The following RUNDC3B variants were observed in gnomAD, a reference collection of about 807,000 sequenced individuals.
RUNDC3B encodes RUN domain-containing protein 3B.
A neutral mutation model predicts 58.4 loss-of-function variants in RUNDC3B; 33 were observed. The observed-to-expected ratio is 0.56, with a 90% CI of 0.43 to 0.75. The LOEUF is 0.75. Ranked by LOEUF, RUNDC3B falls within the 30% of genes least tolerant of loss-of-function variation. The probability of loss-of-function intolerance (pLI) is 0.00; values close to 1 mark genes in which losing one functional copy is unlikely to be tolerated. For missense variants in RUNDC3B, 501 were observed against 535.7 expected (o/e 0.94, Z 0.64); for synonymous variants, 193 against 195.2 (o/e 0.99, Z 0.10).
At chr7:87,752,101 T>C (rs1455754345) in intron 6 of RUNDC3B, among the ~76,000 whole-genome samples, 1 of 152,242 alleles carries the variant, frequency 6.6e-6, no homozygotes, top group East Asian at 1.9e-4. Flanking sequence ...TTGAATTTTG[T>C]CAAAGGCCTT....
chr7:87,735,594 G>T (rs1831877964), intron 4 of RUNDC3B, among the ~76,000 whole-genome samples: 1 of 152,184 alleles, frequency 6.6e-6, no homozygotes, highest in Non-Finnish European at 1.5e-5. Flanking sequence ...TAGCGGCAAA[G>T]TTAAGAAGAT....
intron 2 of RUNDC3B, among the ~76,000 whole-genome samples, chr7:87,677,609 G>C (rs1387585725): frequency 6.6e-6 from 1 of 152,064 alleles, no homozygotes; most frequent in African/African-American, 2.4e-5. Flanking sequence ...TTGTGTACTT[G>C]AAAATTGCTA....
At chr7:87,761,911 A>G (rs1457998724) in intron 6 of RUNDC3B, among the ~76,000 whole-genome samples, 2 of 151,770 alleles carry the variant, frequency 1.3e-5, no homozygotes, top group Non-Finnish European at 3.0e-5. Flanking sequence ...CTATACATAA[A>G]CAGTTTATGA....
At chr7:87,693,606 C>T (rs942393954) in intron 2 of RUNDC3B, among the ~76,000 whole-genome samples, 2 of 152,140 alleles carry the variant, frequency 1.3e-5, no homozygotes, top group South Asian at 2.1e-4. Flanking sequence ...CAGTTTATTA[C>T]ATCTGAGAAA....
intron 8 of RUNDC3B, among the ~76,000 whole-genome samples, chr7:87,791,877 A>G (rs1219212712): frequency 6.6e-6 from 1 of 152,098 alleles, no homozygotes; most frequent in East Asian, 1.9e-4. Flanking sequence ...AGATAACAAC[A>G]TTGAATGTAA....
intron 2 of RUNDC3B, among the ~76,000 whole-genome samples, chr7:87,690,498 G>A (rs1266091883): frequency 6.6e-6 from 1 of 151,966 alleles, no homozygotes; most frequent in Non-Finnish European, 1.5e-5. Flanking sequence ...ACCTGTAAAT[G>A]GCATTTTAAA....
rs570639079 is a variant in RUNDC3B at position 87,776,662 on chromosome 7, T to G, written c.799-1136T>G. On this transcript the variant is annotated intron_variant, in intron 7 of 10. Transcript: ENST00000394654. ...AATTACTAATGTTTATGAATATATA[T>G]TGTTTATATTAAGCTGTATATATAT... 8.5e-5 allele frequency among the ~76,000 whole-genome samples: 13 copies of G among 152,156 alleles called. 1 individual carries two copies. Among genetic ancestry groups the G allele is most frequent in the African/African-American group, 3.1e-4 (13 of 41,566 alleles).
At chr7:87,815,090 C>G (rs10231094) in intron 9 of RUNDC3B, among the ~76,000 whole-genome samples, 7,424 of 151,884 alleles carry the variant, frequency 0.049, 271 homozygotes, top group East Asian at 0.092. Context: ...TCTTTCCCCC[C>G]CTTCCTCCCC....
intron 4 of RUNDC3B, among the ~76,000 whole-genome samples, chr7:87,715,359 T>TTAATTTATAATAATTATATA (rs1323439852): frequency 1.7e-5 from 2 of 118,004 alleles, no homozygotes; most frequent in African/African-American, 7.2e-5. Context: ...TTATATATAA[T>TTAATTTATAATAATTATATA]TAATTTATAA....
Position 87,628,922 on chromosome 7 carries a change from G to A in RUNDC3B, c.99G>A (p.Arg33=), listed in dbSNP as rs1288575064. 3.8e-6 allele frequency: 5 copies of A among 1,309,820 alleles called. No individual in the cohort carries two copies. The highest frequency in any genetic ancestry group is 3.0e-5 in the African/African-American group (2 of 66,378). 81.1% of individuals were successfully genotyped at this position (1,309,820 alleles called of 1,614,324 possible). The change falls in exon 1 of 11, where the codon AGG becomes AGA. Residue 33 remains arginine, a synonymous_variant. Coordinates refer to ENST00000394654, the MANE Select transcript of RUNDC3B (RefSeq NM_001134405.2). The part of the protein sequence containing the change: ...SLSARNAAVE[R]RNLITVCRFS... Reference sequence around the variant, plus strand: ...GCGCCCGCAATGCTGCGGTGGAGAGGAGGAACCTGATCACCGTGTGCAGGT... The same window carrying A: ...GCGCCCGCAATGCTGCGGTGGAGAGAAGGAACCTGATCACCGTGTGCAGGT...
At chr7:87,737,111 C>T (rs1274345527) in intron 4 of RUNDC3B, among the ~76,000 whole-genome samples, 1 of 151,174 alleles carries the variant, frequency 6.6e-6, no homozygotes, top group Admixed American at 6.6e-5. Context: ...GTTGCCCAGG[C>T]TGATCTCTAA....
intron 9 of RUNDC3B, among the ~76,000 whole-genome samples, chr7:87,814,837 C>T (rs1433100687): frequency 6.6e-6 from 1 of 152,066 alleles, no homozygotes; most frequent in Admixed American, 6.6e-5. Context: ...GTATTATAAG[C>T]TGGTAAAGTG....
chr7:87,652,275 G>A (rs1013669386), intron 2 of RUNDC3B, among the ~76,000 whole-genome samples: 2 of 151,922 alleles, frequency 1.3e-5, no homozygotes, highest in African/African-American at 2.4e-5. Context: ...ACTATCAATA[G>A]CAAATGAACA....
At chr7:87,727,639 T>A (rs1220703680) in intron 4 of RUNDC3B, among the ~76,000 whole-genome samples, 1 of 152,208 alleles carries the variant, frequency 6.6e-6, no homozygotes, top group African/African-American at 2.4e-5. Context: ...AAAAAAAATC[T>A]GCAATACTAT....
At chr7:87,652,782 A>G (rs1823715895) in intron 2 of RUNDC3B, among the ~76,000 whole-genome samples, 1 of 151,772 alleles carries the variant, frequency 6.6e-6, no homozygotes, top group African/African-American at 2.4e-5. Context: ...TGGAGAAGTC[A>G]TGATTATTTT....
chr7:87,731,596 C>G lies in RUNDC3B; in HGVS notation c.459-8195C>G, dbSNP rs1831579828. Among the ~76,000 whole-genome samples, 2 of 151,942 alleles carry G rather than the reference C, an allele frequency of 1.3e-5. 1 individual carries two copies. The highest frequency in any genetic ancestry group is 4.8e-5 in the African/African-American group (2 of 41,380). On this transcript the variant is annotated intron_variant, in intron 4 of 10. Coordinates refer to ENST00000394654, the MANE Select transcript of RUNDC3B (RefSeq NM_001134405.2). Reference sequence around the variant, plus strand: ...AAAAGATATTCCATGCCAATGGAACCAAACATAGAAAAAAAGTTGTCTGTA... The same window carrying G: ...AAAAGATATTCCATGCCAATGGAACGAAACATAGAAAAAAAGTTGTCTGTA...
chr7:87,765,305 G>C (rs1350208526), intron 6 of RUNDC3B, among the ~76,000 whole-genome samples: 1 of 151,262 alleles, frequency 6.6e-6, no homozygotes, highest in Non-Finnish European at 1.5e-5. Context: ...ATTCAGTTCT[G>C]CTCTGATGTT....
intron 4 of RUNDC3B, among the ~76,000 whole-genome samples, chr7:87,712,528 C>T (rs984715076): frequency 6.6e-6 from 1 of 151,922 alleles, no homozygotes; most frequent in African/African-American, 2.4e-5. Flanking sequence ...ATAGTCTTTT[C>T]CAAATAGAAA....
rs1467786248 is a variant in RUNDC3B, at chr7:87,777,688, T to A, written c.799-110T>A. The A allele has an allele frequency of 5.2e-6, 4 of 776,696 alleles. No homozygotes were observed. The African/African-American group carries it at 7.3e-5, about 14-fold the overall frequency. The allele number at this position is 776,696 out of a possible 1,614,324, so 48.1% of individuals were successfully genotyped here. On this transcript the variant is annotated intron_variant, in intron 7 of 10. Transcript: ENST00000394654. ...TAATTTATCAGTAATGCTTTGAAAT[T>A]GTTTCATTACAATATAAATAGGAAT...
Sources: allele counts gnomAD v4.1 joint callset (sites outside exome capture counted in the v4.1 genomes callset), GRCh38; gene constraint gnomAD v4.1.1; transcripts MANE v1.5; gene names NCBI Gene and HGNC (gene_info 2026-07-23, HGNC 2026-07-21).